The following CPPED1 variants were observed in gnomAD, a reference collection of about 807,000 sequenced individuals.
CPPED1 encodes the protein serine/threonine-protein phosphatase CPPED1.
In CPPED1, 28 loss-of-function variants were observed where a neutral mutation model predicts 28.0. The observed-to-expected ratio is 1.00, with a 90% CI of 0.74 to 1.37. CPPED1 has a LOEUF of 1.37. CPPED1 is among the 40% of genes most tolerant of loss of function. The pLI, the probability that CPPED1 is intolerant of heterozygous loss-of-function variation, is 0.00. For synonymous variants in CPPED1, 198 were observed against 180.2 expected (o/e 1.10, Z -0.79); for missense variants, 504 against 416.5 (o/e 1.21, Z -1.83).
chr16:12,788,369 G>A (rs1281994471), intron 1 of CPPED1, among the ~76,000 whole-genome samples: 2 of 152,126 alleles, frequency 1.3e-5, no homozygotes, highest in South Asian at 4.1e-4. Context: ...ACTTATCTCA[G>A]TTAATGTCAC....
chr16:12,719,889 T>C (rs1303219913), intron 2 of CPPED1, among the ~76,000 whole-genome samples: 1 of 151,690 alleles, frequency 6.6e-6, no homozygotes, highest in Middle Eastern at 3.2e-3. Flanking sequence ...TGAGCTGAGA[T>C]CATGCCACTG....
intron 2 of CPPED1, among the ~76,000 whole-genome samples, chr16:12,746,292 T>G (rs2080287214): frequency 6.6e-6 from 1 of 151,764 alleles, no homozygotes; most frequent in Non-Finnish European, 1.5e-5. Context: ...GGAAAATTGC[T>G]TGAGCCTTGG....
chr16:12,746,501 G>T (rs1365784782), intron 2 of CPPED1, among the ~76,000 whole-genome samples: 1 of 151,502 alleles, frequency 6.6e-6, no homozygotes, highest in East Asian at 1.9e-4. Flanking sequence ...GTTACAAAAA[G>T]AAGGGTTAAA....
intron 2 of CPPED1, among the ~76,000 whole-genome samples, chr16:12,708,419 T>A (rs1263014038): frequency 6.6e-6 from 1 of 152,126 alleles, no homozygotes; most frequent in Non-Finnish European, 1.5e-5. Context: ...AAGATAATGA[T>A]GTCTAGAGTC....
intron 3 of CPPED1, among the ~76,000 whole-genome samples, chr16:12,685,243 A>G (rs1056904600): frequency 6.6e-6 from 1 of 152,200 alleles, no homozygotes; most frequent in Non-Finnish European, 1.5e-5. Flanking sequence ...TGAGGTCAGG[A>G]GTTTGAGACC....
chr16:12,738,326 T>C (rs999912813), intron 2 of CPPED1, among the ~76,000 whole-genome samples: 5 of 152,176 alleles, frequency 3.3e-5, no homozygotes, highest in Non-Finnish European at 7.3e-5. Context: ...ATGCCAACAA[T>C]GTTAATAGTT....
At chr16:12,743,899 G>A (rs1206552925) in intron 2 of CPPED1, among the ~76,000 whole-genome samples, 1 of 152,108 alleles carries the variant, frequency 6.6e-6, no homozygotes, top group Non-Finnish European at 1.5e-5. Context: ...CAGCTACTTG[G>A]GAGGCTGAGG....
At chr16:12,790,723 G>A (rs1365728379) in intron 1 of CPPED1, among the ~76,000 whole-genome samples, 1 of 151,910 alleles carries the variant, frequency 6.6e-6, no homozygotes, top group African/African-American at 2.4e-5. Flanking sequence ...GAGGTCAAGA[G>A]ATCGAGACCA....
intron 1 of CPPED1, among the ~76,000 whole-genome samples, chr16:12,794,042 A>T (rs1042941378): frequency 2.2e-5 from 3 of 136,224 alleles, no homozygotes; most frequent in Admixed American, 7.5e-5. Flanking sequence ...TCAGCAGTTT[A>T]AAAAAAAAAA....
intron 2 of CPPED1, among the ~76,000 whole-genome samples, chr16:12,724,585 C>T (rs1450943472): frequency 6.6e-6 from 1 of 152,194 alleles, no homozygotes; most frequent in Non-Finnish European, 1.5e-5. Flanking sequence ...ATCATCCCTT[C>T]CCTGGTGCTG....
chr16:12,708,805 T>G lies in CPPED1; in HGVS notation c.290-3756A>C, dbSNP rs1166291409. Among the ~76,000 whole-genome samples, 3 of 152,104 alleles carry G rather than the reference T, an allele frequency of 2.0e-5. No individual in the cohort carries two copies. In the East Asian group the frequency reaches 5.8e-4, roughly 29 times the overall value. Reference sequence around the variant, plus strand: ...GAAAAATAGTCCCATTGTGGCTGGGTGCAGTGGCTCATGCCTGTACTCCCA... The same window carrying G: ...GAAAAATAGTCCCATTGTGGCTGGGGGCAGTGGCTCATGCCTGTACTCCCA... On this transcript the variant is annotated intron_variant, in intron 2 of 3. Transcript: ENST00000381774.
intron 2 of CPPED1, among the ~76,000 whole-genome samples, chr16:12,726,644 AC>A (rs1339732400): frequency 6.6e-6 from 1 of 152,020 alleles, no homozygotes; most frequent in African/African-American, 2.4e-5. Flanking sequence ...CACCAGGCCT[AC>A]AAAAAATTTA....
chr16:12,782,291 A>T (rs1315344309), intron 1 of CPPED1, among the ~76,000 whole-genome samples: 1 of 152,158 alleles, frequency 6.6e-6, no homozygotes, highest in Admixed American at 6.5e-5. Flanking sequence ...TCCTTTCCAT[A>T]ATCAAAATCG....
chr16:12,723,519 G>C (rs1457524110), intron 2 of CPPED1, among the ~76,000 whole-genome samples: 1 of 152,164 alleles, frequency 6.6e-6, no homozygotes, highest in Non-Finnish European at 1.5e-5. Context: ...ACCATGTGAG[G>C]ATACAGGGAG....
At chr16:12,803,646 T>A (rs1032378177) in intron 1 of CPPED1, 61 bp downstream of exon 1, 29 of 1,345,064 alleles carry the variant, frequency 2.2e-5, no homozygotes, top group Admixed American at 3.5e-5. Context: ...AACAAAAGGT[T>A]CCCCCGGCGG....
intron 2 of CPPED1, among the ~76,000 whole-genome samples, chr16:12,767,081 G>A (rs34111119): frequency 0.023 from 3,498 of 152,134 alleles, 59 homozygotes; most frequent in Non-Finnish European, 0.036. Context: ...ATATGTAAGA[G>A]GAGGCTTAGT....
At position 12,765,804 on chromosome 16, in the gene CPPED1, C is replaced by A. The variant is rs566300439; in HGVS notation, c.289+15381G>T. Among the ~76,000 whole-genome samples the A allele has an allele frequency of 3.9e-5, 6 of 152,292 alleles. No homozygotes were observed. In the East Asian group the frequency reaches 1.2e-3, roughly 29 times the overall value. On this transcript the variant is annotated intron_variant, in intron 2 of 3. Coordinates refer to ENST00000381774, the MANE Select transcript of CPPED1 (RefSeq NM_018340.3). ...AATTCTGGGTTCGCGAAATATATGT[C>A]CTCACCCGTTCTGGCATTCAAATGC... is the stretch of plus-strand genomic sequence containing the variant.
intron 3 of CPPED1, among the ~76,000 whole-genome samples, chr16:12,692,101 G>A (rs11641773): frequency 0.075 from 11,469 of 152,122 alleles, 570 homozygotes; most frequent in South Asian, 0.16. Context: ...TGATCTGCCT[G>A]CCTCGGCCTC....
chr16:12,785,797 G>T lies in CPPED1; in HGVS notation c.71-4394C>A, dbSNP rs910246442. On this transcript the variant is annotated intron_variant, in intron 1 of 3. Transcript: ENST00000381774. ...TCACCAAAGCCCAGAGTTACCCCCAGGGTACAGTCCCCAGGCACAGTCCAG... is the reference window on the plus strand; with the variant it reads ...TCACCAAAGCCCAGAGTTACCCCCATGGTACAGTCCCCAGGCACAGTCCAG... 2.6e-5 allele frequency among the ~76,000 whole-genome samples: 4 copies of T among 152,166 alleles called. 1 individual carries two copies. In the South Asian group the frequency reaches 8.3e-4, roughly 32 times the overall value.
Sources: allele counts gnomAD v4.1 joint callset (sites outside exome capture counted in the v4.1 genomes callset), GRCh38; gene constraint gnomAD v4.1.1; transcripts MANE v1.5; gene names NCBI Gene and HGNC (gene_info 2026-07-23, HGNC 2026-07-21).